The following DUS2 variants were observed in gnomAD, a reference collection of about 807,000 sequenced individuals.
DUS2 encodes the protein dihydrouridine synthase 2.
In DUS2, 52 loss-of-function variants were observed where a neutral mutation model predicts 71.3. That is an observed-to-expected ratio of 0.73 (90% confidence interval 0.58 to 0.92). The LOEUF is 0.92. DUS2 is among the 40% of genes least tolerant of loss of function. DUS2 has a pLI of 0.00. For synonymous variants in DUS2, 204 were observed against 227.8 expected (o/e 0.90, Z 0.94); for missense variants, 558 against 622.6 (o/e 0.90, Z 1.10).
intron 12 of DUS2, among the ~76,000 whole-genome samples, chr16:68,072,514 G>T (rs1180083500): frequency 6.6e-6 from 1 of 152,214 alleles, no homozygotes; most frequent in Non-Finnish European, 1.5e-5. Context: ...CAGAGAAAGG[G>T]AGCGGCTTTC....
At chr16:68,078,356 T>A in intron 15 of DUS2, 89 bp from the exon 16 acceptor site, 1 of 1,280,728 alleles carries the variant, frequency 7.8e-7, no homozygotes, top group Non-Finnish European at 1.1e-6. Context: ...TGGAAACACT[T>A]CCTTTTATCT....
At chr16:68,057,762 T>C (rs975294711) in intron 7 of DUS2, among the ~76,000 whole-genome samples, 17 of 151,210 alleles carry the variant, frequency 1.1e-4, no homozygotes, top group African/African-American at 4.1e-4. Flanking sequence ...GTGCCTGTAA[T>C]CCCAGCTACT....
intron 3 of DUS2, among the ~76,000 whole-genome samples, chr16:68,045,038 C>T (rs1386985699): frequency 6.6e-6 from 1 of 152,134 alleles, no homozygotes; most frequent in Non-Finnish European, 1.5e-5. Flanking sequence ...GGCAATCCAC[C>T]CAGCTCGGCC....
intron 4 of DUS2, among the ~76,000 whole-genome samples, chr16:68,049,877 G>A (rs1387933617): frequency 6.6e-6 from 1 of 152,142 alleles, no homozygotes; most frequent in Non-Finnish European, 1.5e-5. Context: ...TGTGACCTTG[G>A]GCAGGCCATA....
chr16:68,023,606 C>T (rs986322968), intron 1 of DUS2: 1 of 204,998 alleles, frequency 4.9e-6, no homozygotes, highest in African/African-American at 2.4e-5. Context: ...AGATGTGTTC[C>T]CTGCGCAGGG....
intron 3 of DUS2, among the ~76,000 whole-genome samples, chr16:68,046,314 G>C (rs1304895410): frequency 6.6e-6 from 1 of 151,900 alleles, no homozygotes; most frequent in Non-Finnish European, 1.5e-5. Flanking sequence ...GTTTGTTTCT[G>C]TGTTAATTTG....
At chr16:68,044,480 A>G (rs1186567870) in intron 3 of DUS2, among the ~76,000 whole-genome samples, 2 of 146,946 alleles carry the variant, frequency 1.4e-5, no homozygotes, top group African/African-American at 2.5e-5. Context: ...ACTGCAACCT[A>G]TGCCTCCTGG....
At chr16:68,025,781 GA>G (rs2033339831) in intron 2 of DUS2, among the ~76,000 whole-genome samples, 2 of 152,106 alleles carry the variant, frequency 1.3e-5, no homozygotes, top group African/African-American at 4.8e-5. Context: ...TTAGAAATAG[GA>G]AAGGTATCCT....
intron 3 of DUS2, among the ~76,000 whole-genome samples, chr16:68,038,919 C>A (rs1341758464): frequency 6.7e-6 from 1 of 149,430 alleles, no homozygotes; most frequent in Non-Finnish European, 1.5e-5. Flanking sequence ...AAAAAATAAG[C>A]CTGGTGTGGT....
At chr16:68,037,866 C>A (rs933530128) in intron 2 of DUS2, 140 bp from the exon 3 acceptor site, 1 of 878,332 alleles carries the variant, frequency 1.1e-6, no homozygotes, top group Non-Finnish European at 1.7e-6. Context: ...AAAACAAAAA[C>A]AATCAAACAT....
Position 68,079,068 on chromosome 16 carries a change from T to C in DUS2, c.*82T>C. 1 of 1,268,742 alleles carries C rather than the reference T, an allele frequency of 7.9e-7. No individual in the cohort carries two copies. The highest frequency in any genetic ancestry group is 1.6e-5 in the South Asian group (1 of 61,472). 78.6% of individuals were successfully genotyped at this position (1,268,742 alleles called of 1,614,324 possible). On this transcript the variant is annotated 3_prime_UTR_variant, in exon 17 of 17. Transcript: ENST00000565263. Reference sequence around the variant, plus strand: ...TGCCACAGCATGAACCAGATGCCGTTGAACAGTTTGCTGGTCTTGCCTGGC... The same window carrying C: ...TGCCACAGCATGAACCAGATGCCGTCGAACAGTTTGCTGGTCTTGCCTGGC...
intron 2 of DUS2, among the ~76,000 whole-genome samples, chr16:68,036,195 C>G (rs1159104504): frequency 6.7e-6 from 1 of 149,916 alleles, no homozygotes; most frequent in Non-Finnish European, 1.5e-5. Flanking sequence ...GAGTCTTGCT[C>G]TGTCGCCCAG....
Position 68,061,127 on chromosome 16 carries a change from G to T in DUS2, c.417+14G>T. 6.2e-7 allele frequency: 1 copy of T among 1,613,978 alleles called. No individual in the cohort carries two copies. Among genetic ancestry groups the T allele is most frequent in the Non-Finnish European group, 8.5e-7 (1 of 1,179,850 alleles). ...AAGATTGAGAAGGTAAGTCCTCCAC[G>T]AGTGAAAGCAGGGGTCCTCAAACAC... On this transcript the variant is annotated intron_variant, in intron 8 of 16. Transcript: ENST00000565263.
chr16:68,069,822 G>A (rs1467221465), intron 10 of DUS2, among the ~76,000 whole-genome samples: 1 of 152,248 alleles, frequency 6.6e-6, no homozygotes, highest in Non-Finnish European at 1.5e-5. Flanking sequence ...GAGGCAAAAG[G>A]AAGCTAGGGA....
intron 3 of DUS2, among the ~76,000 whole-genome samples, chr16:68,043,758 A>C (rs2033664422): frequency 6.6e-6 from 1 of 152,070 alleles, no homozygotes; most frequent in African/African-American, 2.4e-5. Context: ...TCCACCTCCC[A>C]GGTTCAAGCA....
In DUS2 at chr16:68,074,135, C is replaced by T; in HGVS notation, c.912C>T (p.Ala304=). Residue 304 remains alanine (A), a synonymous_variant, in exon 13 of 17, where the codon GCC becomes GCT. Coordinates refer to ENST00000565263, the MANE Select transcript of DUS2 (RefSeq NM_017803.5). ...CCCAGGGAAGGTTGCTCCATGCTGC[C>T]CAGTCTTCCCGGGAAATTTGGTAAG... ...ESPQGRLLHA[A]QSSREICEAF... 1 of 1,614,138 alleles carries T rather than the reference C, an allele frequency of 6.2e-7. No individual in the cohort carries two copies. The highest frequency in any genetic ancestry group is 8.5e-7 in the Non-Finnish European group (1 of 1,180,010).
At chr16:68,037,296 A>G (rs2033545626) in intron 2 of DUS2, among the ~76,000 whole-genome samples, 1 of 152,042 alleles carries the variant, frequency 6.6e-6, no homozygotes, top group Non-Finnish European at 1.5e-5. Flanking sequence ...AGGGAAAAGG[A>G]AAACAGGCCA....
At chr16:68,032,041 TAAAAG>T (rs2033448437) in intron 2 of DUS2, among the ~76,000 whole-genome samples, 1 of 152,122 alleles carries the variant, frequency 6.6e-6, no homozygotes. Flanking sequence ...GACCAGCCCT[TAAAAG>T]GAATGGTAGA....
intron 12 of DUS2, among the ~76,000 whole-genome samples, chr16:68,073,338 T>C (rs558788859): frequency 2.5e-3 from 377 of 152,210 alleles, no homozygotes; most frequent in Non-Finnish European, 4.2e-3. Flanking sequence ...AGTGGCATGA[T>C]CATAGCTCAC....
Sources: gnomAD v4.1 joint callset for allele counts (sites outside exome capture counted in the v4.1 genomes callset) on GRCh38, gnomAD v4.1.1 for gene constraint, MANE v1.5 for transcripts, NCBI Gene and HGNC (gene_info 2026-07-23, HGNC 2026-07-21) for gene names.